The following KCNK10 variants were observed in gnomAD, a reference collection of about 807,000 sequenced individuals.
KCNK10 encodes the protein potassium channel subfamily K member 10.
KCNK10 carries 25 observed loss-of-function variants against 47.7 expected under a neutral mutation model. That is an observed-to-expected ratio of 0.52 (90% CI 0.38 to 0.73). The LOEUF is 0.73. KCNK10 is among the 30% of genes least tolerant of loss of function. KCNK10 has a pLI of 0.00. For missense variants in KCNK10, 563 were observed against 714.5 expected, an observed-to-expected ratio of 0.79 and a Z score of 2.42; for synonymous variants, 303 against 285.6, an observed-to-expected ratio of 1.06 and a Z score of -0.61.
At chr14:88,309,240 G>T (rs149802296) in intron 1 of KCNK10, among the ~76,000 whole-genome samples, 1 of 152,308 alleles carries the variant, frequency 6.6e-6, no homozygotes, top group Non-Finnish European at 1.5e-5. Flanking sequence ...GAACCGATAT[G>T]CTCCAGACTC....
At chr14:88,251,523 A>G (rs556617850) in intron 2 of KCNK10, among the ~76,000 whole-genome samples, 5 of 152,292 alleles carry the variant, frequency 3.3e-5, no homozygotes, top group Admixed American at 2.6e-4. Flanking sequence ...ACCACTGAGG[A>G]CAATTGAGTT....
At chr14:88,302,112 C>T (rs1467244528) in intron 1 of KCNK10, among the ~76,000 whole-genome samples, 1 of 152,062 alleles carries the variant, frequency 6.6e-6, no homozygotes, top group African/African-American at 2.4e-5. Flanking sequence ...AACAAAATGG[C>T]AGGGGTGGGA....
At position 88,240,502 on chromosome 14, in the gene KCNK10, A is replaced by T. The variant is rs551503224; in HGVS notation, c.520+201T>A. On this transcript the variant is annotated intron_variant, in intron 3 of 6. Transcript: ENST00000319231. ...TTTTCATTAGGTTTGCTAGCCTTTC[A>T]TTCTGGAAAAAGAGATACTTCATTA... 6.6e-5 allele frequency among the ~76,000 whole-genome samples: 10 copies of T among 152,268 alleles called. No homozygotes were observed. The East Asian group carries it at 1.7e-3, about 26-fold the overall frequency.
intron 5 of KCNK10, among the ~76,000 whole-genome samples, chr14:88,191,508 C>T (rs1414706364): frequency 2.0e-5 from 3 of 152,144 alleles, no homozygotes; most frequent in Non-Finnish European, 4.4e-5. Context: ...TCCTTCTATC[C>T]GTACCTTTCT....
intron 3 of KCNK10, among the ~76,000 whole-genome samples, chr14:88,228,742 T>C (rs951505111): frequency 2.6e-5 from 4 of 152,220 alleles, no homozygotes; most frequent in Admixed American, 1.3e-4. Flanking sequence ...ACCTGGATAC[T>C]TTCTTTTGCA....
intron 2 of KCNK10, among the ~76,000 whole-genome samples, chr14:88,259,602 G>A (rs913219118): frequency 2.0e-4 from 30 of 152,198 alleles, no homozygotes; most frequent in African/African-American, 5.8e-4. Flanking sequence ...GACTTCAGGC[G>A]TGTGCCACCA....
intron 1 of KCNK10, among the ~76,000 whole-genome samples, chr14:88,280,036 C>A (rs1209913218): frequency 6.6e-6 from 1 of 152,192 alleles, no homozygotes; most frequent in Non-Finnish European, 1.5e-5. Context: ...TTAAACCTCT[C>A]CTTCCCGGTC....
At chr14:88,293,410 T>G (rs1426543395) in intron 1 of KCNK10, among the ~76,000 whole-genome samples, 1 of 152,184 alleles carries the variant, frequency 6.6e-6, no homozygotes, top group Non-Finnish European at 1.5e-5. Flanking sequence ...CATTCTTACC[T>G]ATCTCAAGAA....
chr14:88,241,920 C>T (rs986975166), intron 2 of KCNK10, among the ~76,000 whole-genome samples: 1 of 152,126 alleles, frequency 6.6e-6, no homozygotes, highest in African/African-American at 2.4e-5. Context: ...CTGCCATCTT[C>T]TTTCAAGCCA....
chr14:88,318,360 C>T (rs148048284), intron 1 of KCNK10, among the ~76,000 whole-genome samples: 128 of 152,316 alleles, frequency 8.4e-4, no homozygotes, highest in Non-Finnish European at 1.5e-3. Flanking sequence ...GAGAAAGTCC[C>T]TGCTCATGCA....
intron 1 of KCNK10, among the ~76,000 whole-genome samples, chr14:88,282,366 G>A (rs1887668933): frequency 6.6e-6 from 1 of 152,198 alleles, no homozygotes; most frequent in South Asian, 2.1e-4. Flanking sequence ...TTCTCTGGAA[G>A]AGAAGCTCAG....
intron 2 of KCNK10, among the ~76,000 whole-genome samples, chr14:88,256,133 C>T (rs1052994587): frequency 1.3e-5 from 2 of 152,206 alleles, no homozygotes; most frequent in Admixed American, 6.5e-5. Context: ...GGTTAAGCGG[C>T]TTGCCCTAGG....
upstream of KCNK10, chr14:88,326,518 A>G (rs779015992): frequency 1.4e-5 from 18 of 1,329,060 alleles, no homozygotes; most frequent in Admixed American, 3.6e-5. Flanking sequence ...TTCCATGGCT[A>G]TTGCTTCAGG....
intron 1 of KCNK10, among the ~76,000 whole-genome samples, chr14:88,306,365 T>C (rs1371299431): frequency 2.6e-5 from 4 of 152,170 alleles, no homozygotes; most frequent in Non-Finnish European, 5.9e-5. Context: ...CCTTCTTTGG[T>C]AGAAGCAAGA....
rs142696397 is a variant in KCNK10, at chr14:88,239,046, C to T, written c.520+1657G>A. ...AATCATGACATCAAAGATCACTGAC[C>T]ACAGATCTCCTTAACAGATATAATC... On this transcript the variant is annotated intron_variant, in intron 3 of 6. Transcript: ENST00000319231. Among the ~76,000 whole-genome samples the T allele has an allele frequency of 2.3e-3, 351 of 152,130 alleles. 2 individuals are homozygous for T. The highest frequency in any genetic ancestry group is 3.5e-3 in the Non-Finnish European group (238 of 67,996).
chr14:88,259,313 T>C (rs1040912586), intron 2 of KCNK10, among the ~76,000 whole-genome samples: 2 of 152,158 alleles, frequency 1.3e-5, no homozygotes, highest in Admixed American at 1.3e-4. Context: ...TTAACTTATA[T>C]TGTGAGAAAG....
At chr14:88,234,797 C>T (rs1886252962) in intron 3 of KCNK10, among the ~76,000 whole-genome samples, 1 of 152,170 alleles carries the variant, frequency 6.6e-6, no homozygotes, top group South Asian at 2.1e-4. Flanking sequence ...TCCTCAAACT[C>T]ATTTTCAGCA....
At chr14:88,312,566 T>C (rs1012007556) in intron 1 of KCNK10, among the ~76,000 whole-genome samples, 7 of 152,236 alleles carry the variant, frequency 4.6e-5, no homozygotes, top group African/African-American at 1.7e-4. Flanking sequence ...CTGTTTTTTC[T>C]GGCTTTACCC....
At chr14:88,247,028 C>A (rs1886663064) in intron 2 of KCNK10, among the ~76,000 whole-genome samples, 1 of 152,202 alleles carries the variant, frequency 6.6e-6, no homozygotes, top group African/African-American at 2.4e-5. Context: ...ACTCATGACA[C>A]TGAGAATGGT....
Sources: allele counts gnomAD v4.1 joint callset (sites outside exome capture counted in the v4.1 genomes callset), GRCh38; gene constraint gnomAD v4.1.1; transcripts MANE v1.5; gene names NCBI Gene and HGNC (gene_info 2026-07-23, HGNC 2026-07-21).